The following ATG5 variants were observed in gnomAD, a reference collection of about 807,000 sequenced individuals.
ATG5 encodes the protein autophagy related 5.
Under a neutral mutation model 36.5 loss-of-function variants are expected in ATG5, and 14 were observed. The ratio of observed to expected loss-of-function variants is 0.38; its 90% CI spans 0.25 to 0.60. ATG5 has a LOEUF of 0.60. ATG5 is among the 20% of genes least tolerant of loss of function. The pLI is 0.60. For missense variants in ATG5, 195 were observed against 326.7 expected (o/e 0.60, Z 3.11); for synonymous variants, 95 against 101.5 (o/e 0.94, Z 0.38).
intron 7 of ATG5, among the ~76,000 whole-genome samples, chr6:106,200,913 G>A (rs1300635288): frequency 6.6e-6 from 1 of 151,990 alleles, no homozygotes; most frequent in African/African-American, 2.4e-5. Context: ...GTGGTCACTT[G>A]GTATTCATGA....
intron 5 of ATG5, among the ~76,000 whole-genome samples, chr6:106,252,306 A>T (rs990915545): frequency 8.5e-5 from 13 of 152,108 alleles, no homozygotes; most frequent in South Asian, 2.1e-4. Context: ...TCAAATCAAA[A>T]GCATAAAACT....
chr6:106,277,352 A>G (rs890664641), intron 5 of ATG5, among the ~76,000 whole-genome samples: 8 of 152,348 alleles, frequency 5.3e-5, no homozygotes, highest in African/African-American at 1.9e-4. Context: ...AAGACACAGG[A>G]ATTACAGGAC....
At chr6:106,188,900 TTATG>T (rs1293243678) in intron 7 of ATG5, among the ~76,000 whole-genome samples, 2 of 152,176 alleles carry the variant, frequency 1.3e-5, no homozygotes, top group Non-Finnish European at 2.9e-5. Flanking sequence ...TCACCGGCAT[TTATG>T]TATTTTGTTT....
At chr6:106,294,536 G>T (rs759764315) in intron 3 of ATG5, among the ~76,000 whole-genome samples, 3 of 151,858 alleles carry the variant, frequency 2.0e-5, no homozygotes, top group Non-Finnish European at 2.9e-5. Context: ...ATTTAGGATG[G>T]GCTGGGTACT....
At chr6:106,205,210 T>C (rs1051206963) in intron 6 of ATG5, among the ~76,000 whole-genome samples, 2 of 152,184 alleles carry the variant, frequency 1.3e-5, no homozygotes, top group African/African-American at 4.8e-5. Flanking sequence ...CAAGCTTATG[T>C]GAAGACAACT....
chr6:106,312,791 A>G (rs574798501), intron 2 of ATG5, among the ~76,000 whole-genome samples: 3 of 152,242 alleles, frequency 2.0e-5, no homozygotes, highest in African/African-American at 7.2e-5. Flanking sequence ...AAAATTAACA[A>G]ACAGACTCTG....
chr6:106,239,570 C>T (rs1304172646), intron 6 of ATG5, among the ~76,000 whole-genome samples: 9 of 152,004 alleles, frequency 5.9e-5, no homozygotes, highest in East Asian at 5.8e-4. Flanking sequence ...GATATCAGAA[C>T]GCTAAAATTA....
At chr6:106,201,922 T>C (rs1271483066) in intron 7 of ATG5, 50 bp downstream of exon 7, 3 of 1,372,508 alleles carry the variant, frequency 2.2e-6, no homozygotes, top group South Asian at 2.6e-5. Flanking sequence ...CTTATTTTAC[T>C]TCAGTAACAG....
At chr6:106,256,118 G>C (rs539409386) in intron 5 of ATG5, among the ~76,000 whole-genome samples, 1 of 152,226 alleles carries the variant, frequency 6.6e-6, no homozygotes, top group East Asian at 1.9e-4. Context: ...CTGACAAAAA[G>C]ATACCCCCAT....
At chr6:106,303,485 CTT>C (rs1770296407) in intron 3 of ATG5, among the ~76,000 whole-genome samples, 1 of 152,060 alleles carries the variant, frequency 6.6e-6, no homozygotes, top group Non-Finnish European at 1.5e-5. Context: ...CTATCAAACA[CTT>C]AAAGAATTGA....
intron 1 of ATG5, among the ~76,000 whole-genome samples, chr6:106,320,632 A>AG (rs1258644055): frequency 6.6e-6 from 1 of 152,002 alleles, no homozygotes; most frequent in African/African-American, 2.4e-5. Context: ...TCTGAAAAAA[A>AG]AAAAAATCCA....
At chr6:106,274,911 G>A (rs2114589367) in intron 5 of ATG5, among the ~76,000 whole-genome samples, 1 of 152,128 alleles carries the variant, frequency 6.6e-6, no homozygotes, top group African/African-American at 2.4e-5. Flanking sequence ...TAAAATACAA[G>A]AGAAAAAAAT....
chr6:106,232,821 C>G (rs1279158886), intron 6 of ATG5, among the ~76,000 whole-genome samples: 2 of 152,190 alleles, frequency 1.3e-5, no homozygotes, highest in African/African-American at 4.8e-5. Flanking sequence ...CCAGAGGAAG[C>G]AGAGTGGTTT....
intron 1 of ATG5, among the ~76,000 whole-genome samples, chr6:106,318,150 T>C (rs1002207040): frequency 2.0e-5 from 3 of 152,196 alleles, no homozygotes; most frequent in Non-Finnish European, 2.9e-5. Flanking sequence ...TCCAAGACAA[T>C]TGCTCTTCCC....
chr6:106,208,228 G>A (rs1776712895), intron 6 of ATG5, among the ~76,000 whole-genome samples: 1 of 151,110 alleles, frequency 6.6e-6, no homozygotes, highest in Admixed American at 6.6e-5. Context: ...ATACATCTGT[G>A]TAAACACATA....
chr6:106,292,779 G>C (rs547750393), intron 4 of ATG5, among the ~76,000 whole-genome samples: 2 of 152,084 alleles, frequency 1.3e-5, no homozygotes, highest in African/African-American at 4.8e-5. Context: ...CCAAAAACTC[G>C]TAAATTTTAA....
intron 6 of ATG5, among the ~76,000 whole-genome samples, chr6:106,211,364 C>T (rs968027178): frequency 3.9e-5 from 6 of 152,184 alleles, no homozygotes; most frequent in African/African-American, 7.2e-5. Flanking sequence ...GAGTCTCCTA[C>T]GGACACAGCA....
intron 1 of ATG5, among the ~76,000 whole-genome samples, chr6:106,321,680 C>A (rs916423104): frequency 6.6e-6 from 1 of 152,092 alleles, no homozygotes; most frequent in South Asian, 2.1e-4. Context: ...TCTTAAGTGT[C>A]GGCTTAATAT....
chr6:106,303,321 C>T (rs1770290086), intron 3 of ATG5, among the ~76,000 whole-genome samples: 1 of 151,900 alleles, frequency 6.6e-6, no homozygotes, highest in African/African-American at 2.4e-5. Context: ...TTAGAAAAAA[C>T]AAACCAACTC....
Sources: allele counts gnomAD v4.1 joint callset (sites outside exome capture counted in the v4.1 genomes callset), GRCh38; gene constraint gnomAD v4.1.1; transcripts MANE v1.5; gene names NCBI Gene and HGNC (gene_info 2026-07-23, HGNC 2026-07-21).